Variants in CERKL observed in about 807,000 individuals in gnomAD.
The protein encoded by CERKL is CERK like autophagy regulator, also known as ceramide kinase-like protein.
Under a neutral mutation model 63.4 loss-of-function variants are expected in CERKL, and 61 were observed. The ratio of observed to expected loss-of-function variants is 0.96; its 90% CI spans 0.78 to 1.19. CERKL has a LOEUF of 1.19. Among genes scored for constraint, CERKL ranks in the 50% most tolerant of loss-of-function variants. The pLI, the probability that CERKL is intolerant of heterozygous loss-of-function variation, is 0.00. For missense variants in CERKL, 675 were observed against 655.5 expected (o/e 1.03, Z -0.33); for synonymous variants, 250 against 230.5 (o/e 1.08, Z -0.77).
intron 2 of CERKL, among the ~76,000 whole-genome samples, chr2:181,575,513 G>A (rs1689095742): frequency 6.6e-6 from 1 of 152,202 alleles, no homozygotes; most frequent in African/African-American, 2.4e-5. Flanking sequence ...CAGAGTGTGT[G>A]AGAGAGGGTG....
intron 1 of CERKL, among the ~76,000 whole-genome samples, chr2:181,611,661 G>A (rs760656571): frequency 6.6e-6 from 1 of 152,144 alleles, no homozygotes; most frequent in Non-Finnish European, 1.5e-5. Context: ...CTCAAGCCTG[G>A]GCAACAGAGT....
chr2:181,630,334 C>T (rs1258705170), intron 1 of CERKL, among the ~76,000 whole-genome samples: 2 of 152,000 alleles, frequency 1.3e-5, no homozygotes, highest in Non-Finnish European at 2.9e-5. Flanking sequence ...GTGTGAGCCA[C>T]CACACCTGGC....
intron 2 of CERKL, among the ~76,000 whole-genome samples, chr2:181,587,185 A>G (rs948717929): frequency 6.6e-6 from 1 of 152,222 alleles, no homozygotes; most frequent in Non-Finnish European, 1.5e-5. Flanking sequence ...TTATAGATGC[A>G]GATCTTTACA....
At chr2:181,590,483 G>A (rs866800632) in intron 2 of CERKL, among the ~76,000 whole-genome samples, 60 of 148,206 alleles carry the variant, frequency 4.0e-4, no homozygotes, top group African/African-American at 1.3e-3. Context: ...AAAAAAAATC[G>A]TTATAAGAGA....
At chr2:181,542,305 G>A (rs1687543038) in intron 11 of CERKL, among the ~76,000 whole-genome samples, 1 of 152,190 alleles carries the variant, frequency 6.6e-6, no homozygotes, top group Admixed American at 6.5e-5. Flanking sequence ...GTGTTATACA[G>A]TAACATTCGC....
chr2:181,540,784 GGGA>G (rs914853662), intron 11 of CERKL, among the ~76,000 whole-genome samples: 38 of 152,294 alleles, frequency 2.5e-4, no homozygotes, highest in African/African-American at 8.7e-4. Context: ...TTGGGGCACG[GGGA>G]GGAGAAGTAA....
At chr2:181,546,279 A>T (rs1307994383) in intron 10 of CERKL, among the ~76,000 whole-genome samples, 1 of 152,154 alleles carries the variant, frequency 6.6e-6, no homozygotes, top group Non-Finnish European at 1.5e-5. Flanking sequence ...TTGTTCCCAG[A>T]AGAGCAGGTC....
intron 1 of CERKL, among the ~76,000 whole-genome samples, chr2:181,638,725 G>T (rs1482579307): frequency 6.6e-6 from 1 of 152,178 alleles, no homozygotes; most frequent in Non-Finnish European, 1.5e-5. Context: ...TTCCAAGGCA[G>T]CCCACAGCCT....
intron 1 of CERKL, among the ~76,000 whole-genome samples, chr2:181,604,441 G>A (rs1051315967): frequency 1.6e-4 from 24 of 152,174 alleles, no homozygotes; most frequent in Admixed American, 9.2e-4. Flanking sequence ...GTCCCTACGT[G>A]AGATGGAAAG....
chr2:181,584,830 T>C (rs1197250420), intron 2 of CERKL, among the ~76,000 whole-genome samples: 5 of 151,958 alleles, frequency 3.3e-5, no homozygotes, highest in Non-Finnish European at 5.9e-5. Flanking sequence ...TTTTTGTTTT[T>C]GTTTTTGTTT....
intron 1 of CERKL, among the ~76,000 whole-genome samples, chr2:181,641,434 C>T (rs560358914): frequency 6.6e-6 from 1 of 150,864 alleles, no homozygotes; most frequent in South Asian, 2.1e-4. Context: ...AGCAATCCTC[C>T]CATCTCAGCC....
intron 5 of CERKL, among the ~76,000 whole-genome samples, chr2:181,557,072 C>G (rs1046092487): frequency 6.6e-6 from 1 of 152,144 alleles, no homozygotes; most frequent in Non-Finnish European, 1.5e-5. Context: ...ATATCCTTCG[C>G]CCACTTGTTG....
intron 2 of CERKL, among the ~76,000 whole-genome samples, chr2:181,593,309 T>C (rs899393056): frequency 9.9e-5 from 15 of 152,180 alleles, no homozygotes; most frequent in African/African-American, 3.4e-4. Flanking sequence ...TCTAGCGTGA[T>C]CATCCTTCCC....
intron 5 of CERKL, 29 bp from the exon 6 acceptor site, chr2:181,549,737 A>AT (rs1370144500): frequency 7.6e-6 from 11 of 1,440,330 alleles, no homozygotes; most frequent in Admixed American, 3.4e-5. Context: ...AACATGCACT[A>AT]TTAGGGTAGA....
chr2:181,587,856 T>A (rs564504060), intron 2 of CERKL, among the ~76,000 whole-genome samples: 1 of 152,144 alleles, frequency 6.6e-6, no homozygotes, highest in African/African-American at 2.4e-5. Flanking sequence ...GCTTTTAAGA[T>A]AAATTTTTAG....
Position 181,554,884 on chromosome 2 carries a change from A to G in CERKL, c.820+3682T>C, listed in dbSNP as rs143126202. ...ACTAGGCATACAGTCATCATATTAA[A>G]TATACCCCACACATGACTTTCCCCT... is the stretch of plus-strand genomic sequence containing the variant. On this transcript the variant is annotated intron_variant, in intron 5 of 12. Coordinates refer to ENST00000410087, the MANE Select transcript of CERKL (RefSeq NM_201548.5). Among the ~76,000 whole-genome samples, 3 of 152,250 alleles carry G rather than the reference A, an allele frequency of 2.0e-5. No individual in the cohort carries two copies. In the East Asian group the frequency reaches 5.8e-4, roughly 29 times the overall value.
chr2:181,560,305 TTACA>T (rs1688383047), intron 4 of CERKL, among the ~76,000 whole-genome samples: 1 of 152,182 alleles, frequency 6.6e-6, no homozygotes, highest in Admixed American at 6.5e-5. Context: ...AACTTGACCC[TTACA>T]TACATAGGAT....
intron 2 of CERKL, among the ~76,000 whole-genome samples, chr2:181,576,994 T>C (rs1442104229): frequency 6.6e-6 from 1 of 152,172 alleles, no homozygotes; most frequent in Admixed American, 6.5e-5. Context: ...TCATCAGAAT[T>C]ACCTGACGTG....
At chr2:181,622,299 C>T (rs576269793) in intron 1 of CERKL, among the ~76,000 whole-genome samples, 13 of 152,260 alleles carry the variant, frequency 8.5e-5, no homozygotes, top group Non-Finnish European at 1.6e-4. Context: ...TGTGTCACAC[C>T]GCATGGGGCT....
Sources: gnomAD v4.1 joint callset for allele counts (sites outside exome capture counted in the v4.1 genomes callset) on GRCh38, gnomAD v4.1.1 for gene constraint, MANE v1.5 for transcripts, NCBI Gene and HGNC (gene_info 2026-07-23, HGNC 2026-07-21) for gene names.